ZBTB44: variants seen among roughly 807,000 people sequenced by gnomAD.
ZBTB44 encodes zinc finger and BTB domain containing 44.
Under a neutral mutation model 54.0 loss-of-function variants are expected in ZBTB44, and 15 were observed. The observed-to-expected ratio is 0.28, with a 90% CI of 0.19 to 0.43. The LOEUF is 0.43. Ranked by LOEUF, ZBTB44 falls within the 20% of genes least tolerant of loss-of-function variation. ZBTB44 has a pLI of 1.00. For synonymous variants in ZBTB44, 230 were observed against 250.1 expected (o/e 0.92, Z 0.76); for missense variants, 487 against 707.1 (o/e 0.69, Z 3.53).
Position 130,252,258 on chromosome 11 carries a change from G to A in ZBTB44, c.1018+8598C>T, listed in dbSNP as rs181781027. ...AAATACATATATACGCAATACAGAA[G>A]CACCCAGATTCATAAAACAAGTTCT... On this transcript the variant is annotated intron_variant, in intron 2 of 7. Transcript: ENST00000357899. 3.4e-3 allele frequency among the ~76,000 whole-genome samples: 517 copies of A among 152,236 alleles called. 1 individual carries two copies. The highest frequency in any genetic ancestry group is 0.012 in the African/African-American group (478 of 41,532).
rs189058195 is a variant in ZBTB44, at chr11:130,303,656, A to C, written c.-57+10719T>G. On this transcript the variant is annotated intron_variant, in intron 1 of 7. Transcript: ENST00000357899. The stretch of plus-strand genomic sequence containing the variant: ...ATCTCAAAAAAACCAAAACCAAAAC[A>C]AAAAAACCCAAAAAAACACCCCCCA... Among the ~76,000 whole-genome samples, 182 of 152,210 alleles carry C rather than the reference A, an allele frequency of 1.2e-3. 1 individual carries two copies. The highest frequency in any genetic ancestry group is 4.1e-3 in the African/African-American group (171 of 41,508).
intron 1 of ZBTB44, among the ~76,000 whole-genome samples, chr11:130,263,399 G>A (rs1328746889): frequency 6.6e-6 from 1 of 152,174 alleles, no homozygotes; most frequent in Non-Finnish European, 1.5e-5. Context: ...AAAGCGTTTT[G>A]TTCATTTATT....
Position 130,231,445 on chromosome 11 carries a change from A to AAAC in ZBTB44, c.*318_*319insGTT, listed in dbSNP as rs1953872995. On this transcript the variant is annotated 3_prime_UTR_variant, in exon 8 of 8. Transcript: ENST00000357899. ...TTCAGATTTCCCATAAAACTTGGCA[A>AAAC]TGTGTATTACCAGTGAAAATCTAAA... The AAAC allele has an allele frequency of 1.3e-5, 2 of 152,168 alleles. No individual in the cohort carries two copies. The highest frequency in any genetic ancestry group is 4.8e-5 in the African/African-American group (2 of 41,444). The allele number at this position is 152,168 out of a possible 1,614,324, so 9.4% of individuals were successfully genotyped here.
chr11:130,284,017 G>A (rs1385533768), intron 1 of ZBTB44, among the ~76,000 whole-genome samples: 1 of 138,092 alleles, frequency 7.2e-6, no homozygotes, highest in Admixed American at 7.4e-5. Context: ...GCTGGGCACG[G>A]TGGCTCATGC....
At chr11:130,274,378 TAG>T (rs1939902051) in intron 1 of ZBTB44, among the ~76,000 whole-genome samples, 2 of 152,202 alleles carry the variant, frequency 1.3e-5, no homozygotes, top group South Asian at 2.1e-4. Context: ...TTTCCTTACC[TAG>T]AGTCTCCAGT....
At position 130,255,898 on chromosome 11, in the gene ZBTB44, C is replaced by CAA. The variant is rs66874715; in HGVS notation, c.1018+4956_1018+4957dup. 7.7e-3 allele frequency among the ~76,000 whole-genome samples: 715 copies of CAA among 93,130 alleles called. 2 individuals are homozygous for CAA. Among genetic ancestry groups the CAA allele is most frequent in the Non-Finnish European group, 0.01 (475 of 47,072 alleles). 61.1% of individuals were successfully genotyped at this position (93,130 alleles called of 152,430 possible). ...AAATTCTAAAGTTGAGGCAAAACCT[C>CAA]AAAAAAAAAAAAAAAAAAAAAAACA... On this transcript the variant is annotated intron_variant, in intron 2 of 7. Transcript: ENST00000357899.
chr11:130,291,110 T>C (rs1941278639), intron 1 of ZBTB44, among the ~76,000 whole-genome samples: 1 of 152,062 alleles, frequency 6.6e-6, no homozygotes, highest in African/African-American at 2.4e-5. Flanking sequence ...TTTTCCCTTC[T>C]AAGCTAAATG....
At chr11:130,300,402 C>T (rs1201424037) in intron 1 of ZBTB44, among the ~76,000 whole-genome samples, 3 of 151,450 alleles carry the variant, frequency 2.0e-5, no homozygotes, top group African/African-American at 7.3e-5. Context: ...CAAAGAAAAC[C>T]CAAAATAAAT....
chr11:130,255,898 CAA>C lies in ZBTB44; in HGVS notation c.1018+4956_1018+4957del, dbSNP rs66874715. On this transcript the variant is annotated intron_variant, in intron 2 of 7. Coordinates refer to ENST00000357899, the MANE Select transcript of ZBTB44 (RefSeq NM_001301098.2). ...AAATTCTAAAGTTGAGGCAAAACCT[CAA>C]AAAAAAAAAAAAAAAAAAAAACACC... is the stretch of plus-strand genomic sequence containing the variant. Among the ~76,000 whole-genome samples, 157 of 93,422 alleles carry C rather than the reference CAA, an allele frequency of 1.7e-3. 1 individual carries two copies. Among genetic ancestry groups the C allele is most frequent in the South Asian group, 4.1e-3 (11 of 2,696 alleles). The allele number at this position is 93,422 out of a possible 152,430, so 61.3% of individuals were successfully genotyped here. A position where few individuals can be genotyped will look rare whatever the true frequency, so the allele number is the denominator to read the frequency against.
At chr11:130,253,625 G>A (rs1177186623) in intron 2 of ZBTB44, among the ~76,000 whole-genome samples, 14 of 152,108 alleles carry the variant, frequency 9.2e-5, no homozygotes, top group African/African-American at 1.7e-4. Context: ...AATGAATATC[G>A]TGAAAATGGC....
chr11:130,281,662 T>C (rs1220137605), intron 1 of ZBTB44, among the ~76,000 whole-genome samples: 1 of 151,948 alleles, frequency 6.6e-6, no homozygotes, highest in East Asian at 1.9e-4. Flanking sequence ...TGGTGTGATA[T>C]CGGCTCACTG....
chr11:130,301,289 A>T (rs891074747), intron 1 of ZBTB44, among the ~76,000 whole-genome samples: 1 of 152,216 alleles, frequency 6.6e-6, no homozygotes, highest in African/African-American at 2.4e-5. Context: ...CTCCTCTTTC[A>T]AGTTTTAAGA....
intron 2 of ZBTB44, among the ~76,000 whole-genome samples, chr11:130,244,450 A>G (rs1954541781): frequency 6.6e-6 from 1 of 152,204 alleles, no homozygotes; most frequent in East Asian, 1.9e-4. Flanking sequence ...GGTGGATCAC[A>G]AGGTCAGGAG....
At chr11:130,280,166 C>T (rs1375468656) in intron 1 of ZBTB44, among the ~76,000 whole-genome samples, 1 of 152,010 alleles carries the variant, frequency 6.6e-6, no homozygotes, top group Non-Finnish European at 1.5e-5. Context: ...AAGAAGGGAG[C>T]CTCTACCTCT....
chr11:130,311,895 A>C (rs1233104177), intron 1 of ZBTB44, among the ~76,000 whole-genome samples: 2 of 152,114 alleles, frequency 1.3e-5, no homozygotes, highest in Non-Finnish European at 2.9e-5. Flanking sequence ...GTCAGCTTGA[A>C]ATGGTTCCTA....
At position 130,299,749 on chromosome 11, in the gene ZBTB44, A is replaced by T. The variant is rs146923599; in HGVS notation, c.-57+14626T>A. Among the ~76,000 whole-genome samples the T allele has an allele frequency of 8.7e-3, 1,318 of 152,294 alleles. 9 individuals carry two copies. The highest frequency in any genetic ancestry group is 0.021 in the African/African-American group (892 of 41,556). On this transcript the variant is annotated intron_variant, in intron 1 of 7. Coordinates refer to ENST00000357899, the MANE Select transcript of ZBTB44 (RefSeq NM_001301098.2). ...ATAGCCACTATAGAAAACAGTATAG[A>T]GGGGCTCCTCAAAAAATAAAAAATA... is the stretch of plus-strand genomic sequence containing the variant.
chr11:130,244,784 C>T (rs1328632344), intron 2 of ZBTB44, among the ~76,000 whole-genome samples: 1 of 151,850 alleles, frequency 6.6e-6, no homozygotes, highest in Non-Finnish European at 1.5e-5. Flanking sequence ...GATGAAATTT[C>T]CTTCTGATGA....
intron 2 of ZBTB44, among the ~76,000 whole-genome samples, chr11:130,245,630 T>C (rs1161879421): frequency 6.6e-6 from 1 of 151,986 alleles, no homozygotes; most frequent in African/African-American, 2.4e-5. Context: ...GTGATAAGGG[T>C]AGGCCAAGAA....
At chr11:130,292,737 C>T (rs1288440788) in intron 1 of ZBTB44, among the ~76,000 whole-genome samples, 2 of 152,066 alleles carry the variant, frequency 1.3e-5, no homozygotes, top group African/African-American at 4.8e-5. Flanking sequence ...CCTGTTAAAA[C>T]AATTGATTTA....
Sources: allele counts gnomAD v4.1 joint callset (sites outside exome capture counted in the v4.1 genomes callset), GRCh38; gene constraint gnomAD v4.1.1; transcripts MANE v1.5; gene names NCBI Gene and HGNC (gene_info 2026-07-23, HGNC 2026-07-21).